NOTCH2NLC: variants seen among roughly 807,000 people sequenced by gnomAD.
NOTCH2NLC encodes the protein notch homolog 2 N-terminal-like protein C.
A neutral mutation model predicts 17.7 loss-of-function variants in NOTCH2NLC; 4 were observed. That is an observed-to-expected ratio of 0.23 (90% CI 0.11 to 0.52). NOTCH2NLC has a LOEUF of 0.52. Ranked by LOEUF, NOTCH2NLC falls within the 20% of genes least tolerant of loss-of-function variation. The probability of loss-of-function intolerance (pLI) is 0.96; values close to 1 mark genes in which losing one functional copy is unlikely to be tolerated. For missense variants in NOTCH2NLC, 57 were observed against 207.2 expected, an observed-to-expected ratio of 0.28 and a Z score of 4.45; for synonymous variants, 18 against 86.0, an observed-to-expected ratio of 0.21 and a Z score of 4.38.
intron 2 of NOTCH2NLC, among the ~76,000 whole-genome samples, chr1:149,442,178 C>G (rs2084523711): frequency 6.7e-6 from 1 of 149,044 alleles, no homozygotes; most frequent in African/African-American, 2.5e-5. Context: ...ATGGTTAGAC[C>G]TTTCTATCCC....
intron 1 of NOTCH2NLC, among the ~76,000 whole-genome samples, chr1:149,398,752 G>C (rs1168055192): frequency 6.6e-6 from 1 of 150,994 alleles, no homozygotes; most frequent in Admixed American, 6.6e-5. Context: ...CTTTCCATTG[G>C]ACTGAAGCAC....
chr1:149,419,976 C>T (rs2101479535), intron 1 of NOTCH2NLC, among the ~76,000 whole-genome samples: 1 of 140,070 alleles, frequency 7.1e-6, no homozygotes, highest in Admixed American at 7.2e-5. Context: ...ATGCCATTCT[C>T]CTGCCTCAGA....
chr1:149,417,412 A>G (rs2084342618), intron 1 of NOTCH2NLC, among the ~76,000 whole-genome samples: 1 of 151,142 alleles, frequency 6.6e-6, no homozygotes, highest in Admixed American at 6.6e-5. Flanking sequence ...CCGGCCGGAT[A>G]TCAGGTTTTT....
chr1:149,448,807 A>G lies in NOTCH2NLC; in HGVS notation c.210-6511A>G, dbSNP rs1433358581. 3.5e-5 allele frequency among the ~76,000 whole-genome samples: 5 copies of G among 142,810 alleles called. No homozygotes were observed. The Admixed American group carries it at 3.5e-4, about 10-fold the overall frequency. 93.7% of individuals were successfully genotyped at this position (142,810 alleles called of 152,430 possible). A position where few individuals can be genotyped will look rare whatever the true frequency, so the allele number is the denominator to read the frequency against. ...TCATCCAGTGATGGGGAGGCAGGATAGCCTAGTGTTGAAGCACACGCACTC... is the reference window on the plus strand; with the variant it reads ...TCATCCAGTGATGGGGAGGCAGGATGGCCTAGTGTTGAAGCACACGCACTC... On this transcript the variant is annotated intron_variant, in intron 2 of 4. Transcript: ENST00000650865.
chr1:149,460,945 C>T (rs1377362840), intron 3 of NOTCH2NLC, among the ~76,000 whole-genome samples: 2 of 136,862 alleles, frequency 1.5e-5, no homozygotes, highest in Non-Finnish European at 3.2e-5. Flanking sequence ...CTCTCTTTCC[C>T]TCTCTCTTTC....
chr1:149,416,361 T>C (rs1400681413), intron 1 of NOTCH2NLC, among the ~76,000 whole-genome samples: 1 of 43,530 alleles, frequency 2.3e-5, no homozygotes, highest in African/African-American at 1.1e-4. Context: ...TTATCTCTTA[T>C]GGCATTTTTG....
rs2084718860 is a variant in NOTCH2NLC, at chr1:149,471,374, A to G, written c.*7221A>G. Among the ~76,000 whole-genome samples, 1 of 149,306 alleles carries G rather than the reference A, an allele frequency of 6.7e-6. No individual in the cohort carries two copies. Among genetic ancestry groups the G allele is most frequent in the Admixed American group, 6.7e-5 (1 of 14,888 alleles). On this transcript the variant is annotated 3_prime_UTR_variant, in exon 5 of 5. Transcript: ENST00000650865. ...TTTTGTTGCTTGTGCTTTCAGTCAT[A>G]TTTGTGAAAACTTTGCTTATCCCAC... is the stretch of plus-strand genomic sequence containing the variant.
At chr1:149,429,668 A>G (rs1381661431) in intron 1 of NOTCH2NLC, among the ~76,000 whole-genome samples, 4 of 151,360 alleles carry the variant, frequency 2.6e-5, no homozygotes, top group Non-Finnish European at 5.9e-5. Flanking sequence ...CTACTACTGG[A>G]TACAATACTA....
In NOTCH2NLC at chr1:149,390,678, G is replaced by T. The variant is rs1570895237; in HGVS notation, c.-110G>T. 4 of 1,225,522 alleles carry T rather than the reference G, an allele frequency of 3.3e-6. No homozygotes were observed. Among genetic ancestry groups the T allele is most frequent in the Non-Finnish European group, 4.1e-6 (4 of 979,024 alleles). The allele number at this position is 1,225,522 out of a possible 1,614,324, so 75.9% of individuals were successfully genotyped here. A position where few individuals can be genotyped will look rare whatever the true frequency, so the allele number is the denominator to read the frequency against. On this transcript the variant is annotated 5_prime_UTR_variant, in exon 1 of 5. Coordinates refer to ENST00000650865, the MANE Select transcript of NOTCH2NLC (RefSeq NM_001364013.2). The stretch of plus-strand genomic sequence containing the variant: ...GAGGAGCGGCGGACTCGGGGCGCGG[G>T]GAGTCGAGGCATTTGCGCCTGTGCT...
intron 1 of NOTCH2NLC, among the ~76,000 whole-genome samples, chr1:149,394,284 G>A (rs2084193168): frequency 6.7e-6 from 1 of 148,460 alleles, no homozygotes; most frequent in South Asian, 2.2e-4. Context: ...GCAACCCACT[G>A]ATTAAGTACA....
intron 2 of NOTCH2NLC, among the ~76,000 whole-genome samples, chr1:149,443,557 G>C (rs1204056814): frequency 6.6e-6 from 1 of 150,568 alleles, no homozygotes; most frequent in East Asian, 2.0e-4. Context: ...TGTCAAGGCT[G>C]TTTTTCACAG....
At chr1:149,461,229 C>G (rs2084648338) in intron 3 of NOTCH2NLC, among the ~76,000 whole-genome samples, 1 of 149,462 alleles carries the variant, frequency 6.7e-6, no homozygotes, top group African/African-American at 2.5e-5. Flanking sequence ...GCCACCACTT[C>G]CGGCCCAGGG....
At chr1:149,462,966 G>A (rs1442368851) in intron 3 of NOTCH2NLC, among the ~76,000 whole-genome samples, 1 of 145,126 alleles carries the variant, frequency 6.9e-6, no homozygotes, top group African/African-American at 2.5e-5. Context: ...CTTCCAAGTA[G>A]CTGGGATTAC....
intron 3 of NOTCH2NLC, among the ~76,000 whole-genome samples, chr1:149,455,861 C>A (rs1254309278): frequency 6.7e-6 from 1 of 150,158 alleles, no homozygotes; most frequent in African/African-American, 2.4e-5. Flanking sequence ...AGCATTTTGG[C>A]AGGCCAAGGC....
intron 1 of NOTCH2NLC, among the ~76,000 whole-genome samples, chr1:149,419,855 A>AT (rs1166865199): frequency 0.027 from 2,123 of 78,264 alleles, 283 homozygotes; most frequent in African/African-American, 0.062. Context: ...ATATATATAT[A>AT]TTTTTTTTTT....
In NOTCH2NLC at chr1:149,449,640, C is replaced by A. The variant is rs1362827517; in HGVS notation, c.210-5678C>A. Among the ~76,000 whole-genome samples the A allele has an allele frequency of 1.2e-3, 189 of 151,362 alleles. 2 individuals carry two copies. Among genetic ancestry groups the A allele is most frequent in the Non-Finnish European group, 4.1e-4 (28 of 67,644 alleles). ...AAGTTTGTTCTTTTCAAAATTAAGA[C>A]ATAATTTATGTATCATAAAATTTAC... On this transcript the variant is annotated intron_variant, in intron 2 of 4. Coordinates refer to ENST00000650865, the MANE Select transcript of NOTCH2NLC (RefSeq NM_001364013.2).
At chr1:149,420,124 C>A (rs1269800369) in intron 1 of NOTCH2NLC, among the ~76,000 whole-genome samples, 1 of 150,250 alleles carries the variant, frequency 6.7e-6, no homozygotes, top group Non-Finnish European at 1.5e-5. Flanking sequence ...CCCACCTCGG[C>A]CTCCCAAAGT....
intron 1 of NOTCH2NLC, 130 bp from the exon 2 acceptor site, chr1:149,430,812 C>G: frequency 2.5e-6 from 1 of 399,574 alleles, no homozygotes; most frequent in Non-Finnish European, 4.8e-6. Context: ...CTGATTAAAA[C>G]TCTAAAAAGA....
chr1:149,429,501 GA>G (rs2084432066), intron 1 of NOTCH2NLC, among the ~76,000 whole-genome samples: 1 of 150,458 alleles, frequency 6.6e-6, no homozygotes, highest in Non-Finnish European at 1.5e-5. Flanking sequence ...GGGTTGTTGT[GA>G]AGATTGAATT....
Sources: allele counts gnomAD v4.1 joint callset (sites outside exome capture counted in the v4.1 genomes callset), GRCh38; gene constraint gnomAD v4.1.1; transcripts MANE v1.5; gene names NCBI Gene and HGNC (gene_info 2026-07-23, HGNC 2026-07-21).